NDUFA5: variants seen among roughly 807,000 people sequenced by gnomAD.
NDUFA5 encodes NADH:ubiquinone oxidoreductase subunit A5.
In NDUFA5, 11 loss-of-function variants were observed where a neutral mutation model predicts 19.8. The observed-to-expected ratio is 0.56, with a 90% CI of 0.35 to 0.92. The LOEUF (loss-of-function observed/expected upper bound fraction) is 0.92. NDUFA5 is among the 40% of genes least tolerant of loss of function. NDUFA5 has a pLI of 0.01. For missense variants in NDUFA5, 109 were observed against 134.2 expected, an observed-to-expected ratio of 0.81 and a Z score of 0.93; for synonymous variants, 47 against 46.8, an observed-to-expected ratio of 1.00 and a Z score of -0.01.
At chr7:123,577,118 G>A in the NDUFA5 span, among the ~76,000 whole-genome samples, 1 of 151,990 alleles carries the variant, frequency 6.6e-6, no homozygotes, top group African/African-American at 2.4e-5. Flanking sequence ...ATAAACTGAA[G>A]TCTCTGTCTT....
chr7:123,591,936 T>C, the NDUFA5 span, among the ~76,000 whole-genome samples: 1 of 152,180 alleles, frequency 6.6e-6, no homozygotes, highest in African/African-American at 2.4e-5. Flanking sequence ...CCCCAGACTT[T>C]TTTTTGTTGG....
At chr7:123,546,232 A>G (rs561064344) in intron 3 of NDUFA5, among the ~76,000 whole-genome samples, 1 of 152,286 alleles carries the variant, frequency 6.6e-6, no homozygotes, top group South Asian at 2.1e-4. Context: ...ACTGTATGCA[A>G]CAATATAGGT....
intron 2 of NDUFA5, 99 bp from the exon 3 acceptor site, chr7:123,550,685 GTTTT>G (rs1236764840): frequency 1.6e-5 from 7 of 451,250 alleles, no homozygotes; most frequent in East Asian, 1.3e-4. Context: ...ACTCACATCT[GTTTT>G]TTTTTTTTGC....
At chr7:123,580,512 A>C in the NDUFA5 span, among the ~76,000 whole-genome samples, 1 of 152,044 alleles carries the variant, frequency 6.6e-6, no homozygotes, top group East Asian at 1.9e-4. Flanking sequence ...TTCTTCCTTG[A>C]AAAATGGTCA....
the NDUFA5 span, among the ~76,000 whole-genome samples, chr7:123,574,808 C>T: frequency 6.6e-6 from 1 of 152,064 alleles, no homozygotes; most frequent in Non-Finnish European, 1.5e-5. Context: ...AGGCAGCTTA[C>T]ACATCTTTAA....
At chr7:123,578,003 A>G in the NDUFA5 span, among the ~76,000 whole-genome samples, 16 of 151,516 alleles carry the variant, frequency 1.1e-4, no homozygotes, top group Non-Finnish European at 1.6e-4. Context: ...TCAACCCATC[A>G]CCTACATTAA....
Position 123,540,873 on chromosome 7 carries a change from A to C in NDUFA5, c.*1246T>G, listed in dbSNP as rs1797905412. 1 of 135,572 alleles carries C rather than the reference A, an allele frequency of 7.4e-6. No homozygotes were observed. Among genetic ancestry groups the C allele is most frequent in the African/African-American group, 2.9e-5 (1 of 34,300 alleles). 8.4% of individuals were successfully genotyped at this position (135,572 alleles called of 1,614,324 possible). A position where few individuals can be genotyped will look rare whatever the true frequency, so the allele number is the denominator to read the frequency against. ...TACCATTTTTTTCTCATTCTGAGCA[A>C]ATGTGCGCATGCGCGTGCACACACA... is the stretch of plus-strand genomic sequence containing the variant. On this transcript the variant is annotated 3_prime_UTR_variant, in exon 5 of 5. Coordinates refer to ENST00000355749, the MANE Select transcript of NDUFA5 (RefSeq NM_005000.5).
intron 3 of NDUFA5, among the ~76,000 whole-genome samples, chr7:123,548,822 A>T (rs1798229182): frequency 6.6e-6 from 1 of 152,180 alleles, no homozygotes. Flanking sequence ...TTTGAGAAAC[A>T]CTGAACAGAA....
At chr7:123,571,119 TC>T in the NDUFA5 span, among the ~76,000 whole-genome samples, 2 of 152,326 alleles carry the variant, frequency 1.3e-5, 1 homozygote, top group South Asian at 4.1e-4. Flanking sequence ...GAATAAATGA[TC>T]ATTTCTTTAA....
Position 123,537,498 on chromosome 7 carries a change from T to C in NDUFA5, c.*4621A>G, listed in dbSNP as rs1264969571. ...CCTTTTAAGACAGATGTGTTTGATA[T>C]TCACAATTTTTCAGATTTTTGAAAG... On this transcript the variant is annotated 3_prime_UTR_variant, in exon 5 of 5. Transcript: ENST00000355749. 1 of 152,206 alleles carries C rather than the reference T, an allele frequency of 6.6e-6. No individual in the cohort carries two copies. Among genetic ancestry groups the C allele is most frequent in the East Asian group, 1.9e-4 (1 of 5,198 alleles). 9.4% of individuals were successfully genotyped at this position (152,206 alleles called of 1,614,324 possible). A position where few individuals can be genotyped will look rare whatever the true frequency, so the allele number is the denominator to read the frequency against.
the NDUFA5 span, among the ~76,000 whole-genome samples, chr7:123,593,185 T>C: frequency 6.6e-6 from 1 of 152,174 alleles, no homozygotes; most frequent in East Asian, 1.9e-4. Flanking sequence ...GAGATGGGTC[T>C]CCTGAATATA....
intron 2 of NDUFA5, among the ~76,000 whole-genome samples, chr7:123,552,738 T>C (rs980758488): frequency 6.6e-6 from 1 of 151,752 alleles, no homozygotes; most frequent in Admixed American, 6.6e-5. Flanking sequence ...CCTTTCTTCA[T>C]GGTCCAGGAC....
At chr7:123,566,542 A>C in the NDUFA5 span, among the ~76,000 whole-genome samples, 1 of 152,234 alleles carries the variant, frequency 6.6e-6, no homozygotes. Context: ...ATTGCTGAAA[A>C]ATAGGCCTTT....
chr7:123,557,628 C>T, intron 1 of NDUFA5, 147 bp downstream of exon 1: 1 of 1,613,586 alleles, frequency 6.2e-7, no homozygotes, highest in Non-Finnish European at 8.5e-7. Context: ...CACTAACCTG[C>T]CCTACCCGGT....
upstream of NDUFA5, among the ~76,000 whole-genome samples, chr7:123,560,252 T>C (rs1798671876): frequency 6.6e-6 from 1 of 152,230 alleles, no homozygotes; most frequent in African/African-American, 2.4e-5. Flanking sequence ...AATTCTTTTC[T>C]GCTAAGATCA....
At chr7:123,591,770 A>C in the NDUFA5 span, among the ~76,000 whole-genome samples, 2 of 151,846 alleles carry the variant, frequency 1.3e-5, no homozygotes, top group African/African-American at 4.8e-5. Flanking sequence ...CTTTTTATAT[A>C]GTGTCTCTGC....
the NDUFA5 span, among the ~76,000 whole-genome samples, chr7:123,566,328 C>A: frequency 6.6e-6 from 1 of 152,160 alleles, no homozygotes; most frequent in Non-Finnish European, 1.5e-5. Flanking sequence ...CTGTCAATAC[C>A]TCTATATTGG....
chr7:123,578,506 T>A, the NDUFA5 span, among the ~76,000 whole-genome samples: 1 of 152,110 alleles, frequency 6.6e-6, no homozygotes, highest in Non-Finnish European at 1.5e-5. Context: ...TGCTTTTTTA[T>A]TCATTCACTT....
intron 4 of NDUFA5, among the ~76,000 whole-genome samples, chr7:123,544,498 C>CAAAAAA (rs754788912): frequency 2.7e-5 from 2 of 72,924 alleles, no homozygotes; most frequent in Non-Finnish European, 5.5e-5. Flanking sequence ...AACTCCATCT[C>CAAAAAA]AAAAAAAAAA....
Sources: gnomAD v4.1 joint callset for allele counts (sites outside exome capture counted in the v4.1 genomes callset) on GRCh38, gnomAD v4.1.1 for gene constraint, MANE v1.5 for transcripts, NCBI Gene and HGNC (gene_info 2026-07-23, HGNC 2026-07-21) for gene names.